MYO3B: variants seen among roughly 807,000 people sequenced by gnomAD.
MYO3B encodes the protein myosin IIIB, also known as myosin-IIIb.
In MYO3B, 156 loss-of-function variants were observed where a neutral mutation model predicts 174.6. The ratio of observed to expected loss-of-function variants is 0.89; its 90% CI spans 0.78 to 1.02. The LOEUF (loss-of-function observed/expected upper bound fraction) is 1.02. Ranked by LOEUF, MYO3B falls within the 50% of genes least tolerant of loss-of-function variation. The pLI, the probability that MYO3B is intolerant of heterozygous loss-of-function variation, is 0.00. For synonymous variants in MYO3B, 563 were observed against 569.1 expected, an observed-to-expected ratio of 0.99 and a Z score of 0.15; for missense variants, 1,632 against 1,639.4, an observed-to-expected ratio of 1.00 and a Z score of 0.08.
Position 170,488,232 on chromosome 2 carries a change from A to G in MYO3B, c.3015-10360A>G, listed in dbSNP as rs79185868. On this transcript the variant is annotated intron_variant, in intron 25 of 34. Transcript: ENST00000408978. ...AGTCCAACATGAACATATTCCACGAATATTTTCCACTTCAAAGATTATAAG... is the reference window on the plus strand; with the variant it reads ...AGTCCAACATGAACATATTCCACGAGTATTTTCCACTTCAAAGATTATAAG... Among the ~76,000 whole-genome samples, 1,329 of 152,332 alleles carry G rather than the reference A, an allele frequency of 8.7e-3. 18 individuals are homozygous for G. Among genetic ancestry groups the G allele is most frequent in the African/African-American group, 0.03 (1,263 of 41,578 alleles).
Position 170,543,881 on chromosome 2 carries a change from T to A in MYO3B, c.3637-11T>A. ...TAAGAATAATATTTCTCTTACTGGG[T>A]TTTTCTGAAGCACTCGGTTTCTGGG... is the stretch of plus-strand genomic sequence containing the variant. On this transcript the variant is annotated splice_polypyrimidine_tract_variant and intron_variant, in intron 31 of 34. Coordinates refer to ENST00000408978, the MANE Select transcript of MYO3B (RefSeq NM_138995.5). 1 of 1,609,220 alleles carries A rather than the reference T, an allele frequency of 6.2e-7. No homozygotes were observed.
intron 25 of MYO3B, among the ~76,000 whole-genome samples, chr2:170,495,327 T>C (rs1686795528): frequency 6.6e-6 from 1 of 152,172 alleles, no homozygotes; most frequent in South Asian, 2.1e-4. Context: ...TCCAAAATTA[T>C]TCCGTGAAGG....
intron 32 of MYO3B, among the ~76,000 whole-genome samples, chr2:170,614,338 T>C (rs904983328): frequency 6.6e-6 from 1 of 152,206 alleles, no homozygotes; most frequent in African/African-American, 2.4e-5. Context: ...ACTCAACACA[T>C]AGTAGCTGTT....
At chr2:170,330,187 A>G (rs2093902096) in intron 7 of MYO3B, among the ~76,000 whole-genome samples, 1 of 152,094 alleles carries the variant, frequency 6.6e-6, no homozygotes, top group Non-Finnish European at 1.5e-5. Context: ...TTCTTAATTA[A>G]CTGTGCCTCA....
Position 170,383,754 on chromosome 2 carries a change from C to G in MYO3B, c.1230C>G (p.Pro410=), listed in dbSNP as rs2094353004. ...GGGTGAAACGCGCCTCCAATCCCCC[C>G]CACATATTTGCATCAGCAGATGCTG... ...YHGVKRASNP[P]HIFASADAAY... is the part of the protein sequence containing the mutation. The change falls in exon 12 of 35, where the codon CCC becomes CCG. Residue 410 remains proline, a synonymous_variant. Coordinates refer to ENST00000408978, the MANE Select transcript of MYO3B (RefSeq NM_138995.5). 6.2e-7 allele frequency: 1 copy of G among 1,613,750 alleles called. No homozygotes were observed. The highest frequency in any genetic ancestry group is 8.5e-7 in the Non-Finnish European group (1 of 1,179,788).
chr2:170,197,960 C>T (rs1346439075), intron 1 of MYO3B, among the ~76,000 whole-genome samples: 3 of 152,188 alleles, frequency 2.0e-5, no homozygotes, highest in South Asian at 2.1e-4. Context: ...ATCAGCCACA[C>T]GTCAGACTGA....
At chr2:170,577,195 A>G (rs537242794) in intron 32 of MYO3B, among the ~76,000 whole-genome samples, 5 of 152,358 alleles carry the variant, frequency 3.3e-5, no homozygotes, top group Non-Finnish European at 7.3e-5. Context: ...GAAAGAGCAA[A>G]AAATTCTATG....
chr2:170,272,998 T>TG (rs909849692), intron 7 of MYO3B, among the ~76,000 whole-genome samples: 7 of 152,166 alleles, frequency 4.6e-5, no homozygotes, highest in African/African-American at 1.7e-4. Flanking sequence ...TTGGGTCAAT[T>TG]GCTCTTTCTC....
intron 28 of MYO3B, among the ~76,000 whole-genome samples, chr2:170,503,458 C>T (rs1481801099): frequency 3.2e-5 from 2 of 62,336 alleles, no homozygotes; most frequent in African/African-American, 9.6e-5. Context: ...AGGGTGTCTC[C>T]CTTTTTTTTT....
At chr2:170,606,850 G>T (rs10189988) in intron 32 of MYO3B, among the ~76,000 whole-genome samples, 3,068 of 152,172 alleles carry the variant, frequency 0.02, 117 homozygotes, top group African/African-American at 0.069. Context: ...GAGAAACCGT[G>T]TCTCGACAGA....
intron 20 of MYO3B, 131 bp from the exon 21 acceptor site, chr2:170,405,414 C>G (rs1250753740): frequency 1.4e-6 from 1 of 707,726 alleles, no homozygotes; most frequent in East Asian, 2.7e-5. Context: ...TGATCTTTCT[C>G]CACCCTTGTT....
At chr2:170,648,061 A>G (rs1698515708) in intron 32 of MYO3B, 1 of 152,236 alleles carries the variant, frequency 6.6e-6, no homozygotes, top group South Asian at 2.1e-4. Context: ...ACTTCTCTTC[A>G]TTGATCTATA....
chr2:170,185,633 T>C (rs988207145), intron 1 of MYO3B, among the ~76,000 whole-genome samples: 3 of 152,314 alleles, frequency 2.0e-5, no homozygotes, highest in Non-Finnish European at 4.4e-5. Context: ...TCTGGGTCTT[T>C]TGTGGCTCCA....
At chr2:170,276,335 T>C (rs2093463716) in intron 7 of MYO3B, among the ~76,000 whole-genome samples, 1 of 152,210 alleles carries the variant, frequency 6.6e-6, no homozygotes, top group African/African-American at 2.4e-5. Context: ...ATTCATAAAA[T>C]CCAAGCTATA....
intron 32 of MYO3B, 52 bp from the exon 33 acceptor site, chr2:170,651,576 A>T: frequency 6.7e-7 from 1 of 1,493,822 alleles, no homozygotes; most frequent in South Asian, 1.1e-5. Context: ...TTTTTCACTT[A>T]ATTTTCCCAA....
intron 19 of MYO3B, among the ~76,000 whole-genome samples, chr2:170,403,439 A>G (rs1032431027): frequency 1.3e-5 from 2 of 152,086 alleles, no homozygotes; most frequent in African/African-American, 4.8e-5. Context: ...GAAGAGTAAG[A>G]TGTGTTCTTG....
chr2:170,544,917 C>CA (rs905199943), intron 32 of MYO3B, among the ~76,000 whole-genome samples: 2 of 151,696 alleles, frequency 1.3e-5, no homozygotes, highest in Non-Finnish European at 2.9e-5. Context: ...AAAAGTAGTA[C>CA]AAAAAAAGAG....
intron 32 of MYO3B, among the ~76,000 whole-genome samples, chr2:170,547,057 C>T (rs543764473): frequency 2.0e-5 from 3 of 151,936 alleles, no homozygotes; most frequent in Non-Finnish European, 2.9e-5. Context: ...TGGTGGCTCA[C>T]GCCTGTAATC....
At chr2:170,313,847 G>A (rs2093756122) in intron 7 of MYO3B, among the ~76,000 whole-genome samples, 1 of 151,962 alleles carries the variant, frequency 6.6e-6, no homozygotes, top group South Asian at 2.1e-4. Flanking sequence ...CAATAGTAGC[G>A]GGTGAAACAC....
Sources: gnomAD v4.1 joint callset for allele counts (sites outside exome capture counted in the v4.1 genomes callset) on GRCh38, gnomAD v4.1.1 for gene constraint, MANE v1.5 for transcripts, NCBI Gene and HGNC (gene_info 2026-07-23, HGNC 2026-07-21) for gene names.